Variants in DNAJC15 observed in about 807,000 individuals in gnomAD.
DNAJC15 encodes dnaJ homolog subfamily C member 15.
In DNAJC15, 27 loss-of-function variants were observed where a neutral mutation model predicts 22.4. That is an observed-to-expected ratio of 1.20 (90% CI 0.89 to 1.66). DNAJC15 has a LOEUF of 1.66. Ranked by LOEUF, DNAJC15 falls within the 40% of genes most tolerant of loss-of-function variation. DNAJC15 has a pLI of 0.00. For missense variants in DNAJC15, 208 were observed against 187.1 expected (o/e 1.11, Z -0.65); for synonymous variants, 79 against 63.2 (o/e 1.25, Z -1.19).
intron 1 of DNAJC15, among the ~76,000 whole-genome samples, chr13:43,050,740 C>G (rs2040499088): frequency 6.6e-6 from 1 of 152,012 alleles, no homozygotes; most frequent in Non-Finnish European, 1.5e-5. Context: ...AGATTAAACC[C>G]TTTCAATAGA....
At chr13:43,078,852 C>T in intron 4 of DNAJC15, 164 bp downstream of exon 4, 1 of 493,858 alleles carries the variant, frequency 2.0e-6, no homozygotes, top group Non-Finnish European at 3.4e-6. Flanking sequence ...AAAAGTATCC[C>T]ACTCCCCTAA....
chr13:43,067,444 A>G (rs2040589409), intron 2 of DNAJC15, among the ~76,000 whole-genome samples: 1 of 152,334 alleles, frequency 6.6e-6, no homozygotes, highest in Admixed American at 6.5e-5. Context: ...CTAAACATAA[A>G]GGAATTTTAG....
At chr13:43,104,509 A>G (rs1320136899) in intron 5 of DNAJC15, among the ~76,000 whole-genome samples, 2 of 151,954 alleles carry the variant, frequency 1.3e-5, no homozygotes, top group Non-Finnish European at 2.9e-5. Flanking sequence ...CTTAAACATG[A>G]TGGTTCACAA....
chr13:43,066,543 A>G (rs1212379313), intron 2 of DNAJC15, among the ~76,000 whole-genome samples: 3 of 152,212 alleles, frequency 2.0e-5, no homozygotes, highest in South Asian at 2.1e-4. Flanking sequence ...AGTCAGTTTT[A>G]TTACATAAGG....
intron 1 of DNAJC15, among the ~76,000 whole-genome samples, chr13:43,048,828 A>G (rs1391106271): frequency 1.3e-5 from 2 of 152,228 alleles, no homozygotes; most frequent in Non-Finnish European, 2.9e-5. Flanking sequence ...GTGTAACAAC[A>G]ACAAAAATAT....
chr13:43,106,574 C>G (rs1407377389), intron 5 of DNAJC15, among the ~76,000 whole-genome samples: 3 of 151,678 alleles, frequency 2.0e-5, no homozygotes, highest in African/African-American at 7.3e-5. Context: ...TTTCAGAGAA[C>G]AAAAAAAATT....
rs2153442727 is a variant in DNAJC15 at position 43,111,931 on chromosome 13, C to T, written c.*4683C>T. The T allele has an allele frequency of 6.6e-6, 1 of 152,312 alleles. No individual in the cohort carries two copies. The highest frequency in any genetic ancestry group is 1.9e-4 in the East Asian group (1 of 5,182). The allele number at this position is 152,312 out of a possible 1,614,324, so 9.4% of individuals were successfully genotyped here. On this transcript the variant is annotated 3_prime_UTR_variant, in exon 6 of 6. Transcript: ENST00000379221. ...AAATTTTATTTATGGTGGCATTACA[C>T]ACATTAAGAGATGAGGACTTCTGTT...
intron 1 of DNAJC15, among the ~76,000 whole-genome samples, chr13:43,046,526 A>G (rs1377157234): frequency 6.6e-6 from 1 of 152,120 alleles, no homozygotes; most frequent in Non-Finnish European, 1.5e-5. Flanking sequence ...ATCAGGTAGT[A>G]AAGAGGGCTC....
intron 5 of DNAJC15, among the ~76,000 whole-genome samples, chr13:43,088,960 G>T (rs929373046): frequency 6.6e-6 from 1 of 151,804 alleles, no homozygotes; most frequent in Non-Finnish European, 1.5e-5. Context: ...TTGGTAAAGA[G>T]AAAATTTTGT....
chr13:43,059,638 C>T (rs1186924184), intron 1 of DNAJC15, among the ~76,000 whole-genome samples: 1 of 152,184 alleles, frequency 6.6e-6, no homozygotes. Flanking sequence ...CCACGGAATC[C>T]CCTCAAATTG....
intron 1 of DNAJC15, among the ~76,000 whole-genome samples, chr13:43,031,815 T>G (rs2040405208): frequency 6.6e-6 from 1 of 152,238 alleles, no homozygotes; most frequent in Non-Finnish European, 1.5e-5. Flanking sequence ...CAGAATATTC[T>G]CTTTGTTTCT....
chr13:43,060,003 ACTT>A (rs1203588984), intron 1 of DNAJC15, among the ~76,000 whole-genome samples: 7 of 152,128 alleles, frequency 4.6e-5, no homozygotes, highest in Admixed American at 2.0e-4. Flanking sequence ...GGCTATTTTC[ACTT>A]CTTTTGAGGA....
At chr13:43,065,591 A>T (rs560462135) in intron 1 of DNAJC15, 95 bp from the exon 2 acceptor site, 8 of 987,956 alleles carry the variant, frequency 8.1e-6, no homozygotes, top group African/African-American at 1.6e-5. Flanking sequence ...AAGAAAGTGT[A>T]GTATTGTAAT....
intron 1 of DNAJC15, among the ~76,000 whole-genome samples, chr13:43,060,572 A>G (rs1348309262): frequency 6.6e-6 from 1 of 152,144 alleles, no homozygotes; most frequent in African/African-American, 2.4e-5. Context: ...GATTTAGGTA[A>G]AAACAACACT....
chr13:43,070,933 A>G (rs1373777124), intron 3 of DNAJC15, among the ~76,000 whole-genome samples: 1 of 152,188 alleles, frequency 6.6e-6, no homozygotes, highest in African/African-American at 2.4e-5. Context: ...TCCGGGTGAT[A>G]GATGATGGTG....
intron 1 of DNAJC15, among the ~76,000 whole-genome samples, chr13:43,033,581 A>G (rs1018240345): frequency 8.5e-5 from 13 of 152,272 alleles, no homozygotes; most frequent in East Asian, 3.9e-4. Context: ...TGGCTGTGAC[A>G]GTTTTTCAGA....
intron 1 of DNAJC15, among the ~76,000 whole-genome samples, chr13:43,040,703 T>A (rs554822419): frequency 3.0e-4 from 46 of 152,062 alleles, no homozygotes; most frequent in African/African-American, 1.1e-3. Context: ...GGCCTCTGAG[T>A]TCCCTTAGTA....
At chr13:43,036,077 CCTT>C (rs1456462061) in intron 1 of DNAJC15, among the ~76,000 whole-genome samples, 1 of 151,892 alleles carries the variant, frequency 6.6e-6, no homozygotes, top group Non-Finnish European at 1.5e-5. Context: ...TAAAAGTCTG[CCTT>C]CTTATCTGAA....
At chr13:43,051,883 G>T (rs978293255) in intron 1 of DNAJC15, among the ~76,000 whole-genome samples, 3 of 152,100 alleles carry the variant, frequency 2.0e-5, no homozygotes, top group Non-Finnish European at 2.9e-5. Context: ...TTTCATAGGG[G>T]TTGTACTAGT....
Sources: allele counts gnomAD v4.1 joint callset (sites outside exome capture counted in the v4.1 genomes callset), GRCh38; gene constraint gnomAD v4.1.1; transcripts MANE v1.5; gene names NCBI Gene and HGNC (gene_info 2026-07-23, HGNC 2026-07-21).